Variants in ZNF496 observed in about 807,000 individuals in gnomAD.
The protein encoded by ZNF496 is zinc finger protein 496, also known as NSD1 (nuclear receptor binding SET-domain containing 1)-interacting zinc finger protein 1.
Under a neutral mutation model 58.9 loss-of-function variants are expected in ZNF496, and 11 were observed. That is an observed-to-expected ratio of 0.19 (90% CI 0.12 to 0.31). The LOEUF (loss-of-function observed/expected upper bound fraction) is 0.31, where lower values mean the gene tolerates loss of function less well. Ranked by LOEUF, ZNF496 falls within the 10% of genes least tolerant of loss-of-function variation. The pLI is 1.00. For synonymous variants in ZNF496, 338 were observed against 318.2 expected, an observed-to-expected ratio of 1.06 and a Z score of -0.66; for missense variants, 660 against 783.0, an observed-to-expected ratio of 0.84 and a Z score of 1.88.
In ZNF496 at chr1:247,309,518, A is replaced by G. The variant is rs1376428000; in HGVS notation, c.892+181T>C. On this transcript the variant is annotated intron_variant, in intron 8 of 9. Coordinates refer to ENST00000682384, the MANE Select transcript of ZNF496 (RefSeq NM_032752.3). This position sits in a 1 kb window ranked among gnomAD's most constrained non-coding sequence, Gnocchi z 4.3. ...AATTCCAATGCCTGGCAAAATTAAG[A>G]TCCTCCATTCTTTCTATGAAAAGTC... 3.5e-6 allele frequency: 5 copies of G among 1,415,474 alleles called. No homozygotes were observed. Among genetic ancestry groups the G allele is most frequent in the Non-Finnish European group, 4.6e-6 (5 of 1,089,416 alleles). 87.7% of individuals were successfully genotyped at this position (1,415,474 alleles called of 1,614,324 possible). A position where few individuals can be genotyped will look rare whatever the true frequency, so the allele number is the denominator to read the frequency against.
intron 9 of ZNF496, among the ~76,000 whole-genome samples, chr1:247,306,681 T>C (rs1280306380): frequency 6.6e-6 from 1 of 150,394 alleles, no homozygotes; most frequent in Non-Finnish European, 1.5e-5. Flanking sequence ...TTTGTATTTT[T>C]AGTAGAGACA....
intron 6 of ZNF496, among the ~76,000 whole-genome samples, chr1:247,316,040 G>C (rs1659754936): frequency 7.1e-6 from 1 of 140,000 alleles, no homozygotes; most frequent in South Asian, 2.4e-4. Flanking sequence ...GAGTCAACTT[G>C]ATGTTGGTTT....
At chr1:247,301,313 C>T in intron 9 of ZNF496, 37 bp from the exon 10 acceptor site, 2 of 1,495,756 alleles carry the variant, frequency 1.3e-6, no homozygotes, top group South Asian at 1.4e-5. Flanking sequence ...CGACGCTGCA[C>T]AGGCCACATC....
At position 247,324,636 on chromosome 1, in the gene ZNF496, A is replaced by C. The variant is rs1233423888; in HGVS notation, c.575-1406T>G. Reference sequence around the variant, plus strand: ...CAGCCTCCTGAGTAGCTGGGACTACAGGTGTGCCACCATGCCCAGCTAAGT... The same window carrying C: ...CAGCCTCCTGAGTAGCTGGGACTACCGGTGTGCCACCATGCCCAGCTAAGT... On this transcript the variant is annotated intron_variant, in intron 5 of 9. Coordinates refer to ENST00000682384, the MANE Select transcript of ZNF496 (RefSeq NM_032752.3). 2.6e-5 allele frequency among the ~76,000 whole-genome samples: 4 copies of C among 152,152 alleles called. No homozygotes were observed. In the South Asian group the frequency reaches 8.3e-4, roughly 32 times the overall value.
At chr1:247,323,970 G>A (rs1280676227) in intron 5 of ZNF496, among the ~76,000 whole-genome samples, 1 of 150,590 alleles carries the variant, frequency 6.6e-6, no homozygotes, top group Non-Finnish European at 1.5e-5. Flanking sequence ...AAAAAACTGG[G>A]AAGCTGAAAC....
In ZNF496 at chr1:247,309,508, C is replaced by T; in HGVS notation, c.892+191G>A. 7.1e-7 allele frequency: 1 copy of T among 1,412,590 alleles called. No individual in the cohort carries two copies. Among genetic ancestry groups the T allele is most frequent in the Non-Finnish European group, 9.2e-7 (1 of 1,088,166 alleles). The allele number at this position is 1,412,590 out of a possible 1,614,324, so 87.5% of individuals were successfully genotyped here. ...AAGGGAGTACAATTCCAATGCCTGG[C>T]AAAATTAAGATCCTCCATTCTTTCT... On this transcript the variant is annotated intron_variant, in intron 8 of 9. Transcript: ENST00000682384. The surrounding 1 kb of genome is among the most constrained non-coding windows in gnomAD (Gnocchi z 4.3).
chr1:247,303,005 G>A (rs1659296936), intron 9 of ZNF496, among the ~76,000 whole-genome samples: 1 of 152,220 alleles, frequency 6.6e-6, no homozygotes, highest in South Asian at 2.1e-4. Context: ...AGAGCAGACA[G>A]TGCATGTTAT....
chr1:247,311,448 CACACACACACACACAT>C (rs1659600698), intron 6 of ZNF496: 1 of 149,758 alleles, frequency 6.7e-6, no homozygotes, highest in African/African-American at 2.5e-5. Flanking sequence ...CACACACACA[CACACACACACACACAT>C]ATATAGTGGT....
At chr1:247,312,186 G>C (rs753136626) in intron 6 of ZNF496, 1 of 152,072 alleles carries the variant, frequency 6.6e-6, no homozygotes, top group Non-Finnish European at 1.5e-5. Context: ...TTCACAAGCT[G>C]CACCTTCAAA....
intron 9 of ZNF496, among the ~76,000 whole-genome samples, chr1:247,303,501 TAAAA>T (rs1659312019): frequency 6.6e-6 from 1 of 152,130 alleles, no homozygotes; most frequent in South Asian, 2.1e-4. Flanking sequence ...AGTGCATGTT[TAAAA>T]AGCCTTGAGG....
At chr1:247,327,810 C>A (rs894676909) in intron 5 of ZNF496, among the ~76,000 whole-genome samples, 3 of 76,642 alleles carry the variant, frequency 3.9e-5, no homozygotes, top group Admixed American at 1.2e-4. Flanking sequence ...CATAAGAAAG[C>A]CCCCCTGGCC....
Position 247,329,452 on chromosome 1 carries a change from G to T in ZNF496, c.127C>A (p.Arg43Ser). 1 of 1,612,368 alleles carries T rather than the reference G, an allele frequency of 6.2e-7. No individual in the cohort carries two copies. Among genetic ancestry groups the T allele is most frequent in the Non-Finnish European group, 8.5e-7 (1 of 1,179,364 alleles). Residue 43 changes from arginine to serine, a missense_variant, in exon 4 of 10, where the codon CGT becomes AGT. Transcript: ENST00000682384. The surrounding 1 kb of genome is among the most constrained non-coding windows in gnomAD (Gnocchi z 5.5). Reference sequence around the variant, plus strand: ...TGGTAGCGGAAACGGCGGAAGAGACGCCGAGAGGACTCGGGGCTGGGAAGC... The same window carrying T: ...TGGTAGCGGAAACGGCGGAAGAGACTCCGAGAGGACTCGGGGCTGGGAAGC... The part of the protein sequence containing the change: ...GELPSPESSR[R>S]LFRRFRYQEA...
At chr1:247,331,064 G>A (rs1193116738) in intron 2 of ZNF496, among the ~76,000 whole-genome samples, 2 of 152,210 alleles carry the variant, frequency 1.3e-5, no homozygotes, top group East Asian at 3.9e-4. Context: ...GCGGCCCCCT[G>A]CGGCGCCCAT....
intron 6 of ZNF496, among the ~76,000 whole-genome samples, chr1:247,317,196 G>C (rs1412219849): frequency 6.6e-6 from 1 of 152,138 alleles, no homozygotes; most frequent in Non-Finnish European, 1.5e-5. Context: ...GAGGGTGGCA[G>C]AATGGCCAGG....
At position 247,309,504 on chromosome 1, in the gene ZNF496, C is replaced by T. The variant is rs1659523622; in HGVS notation, c.892+195G>A. The T allele has an allele frequency of 7.1e-7, 1 of 1,412,782 alleles. No homozygotes were observed. The highest frequency in any genetic ancestry group is 9.2e-7 in the Non-Finnish European group (1 of 1,088,370). 87.5% of individuals were successfully genotyped at this position (1,412,782 alleles called of 1,614,324 possible). ...GGCCAAGGGAGTACAATTCCAATGCCTGGCAAAATTAAGATCCTCCATTCT... is the reference window on the plus strand; with the variant it reads ...GGCCAAGGGAGTACAATTCCAATGCTTGGCAAAATTAAGATCCTCCATTCT... On this transcript the variant is annotated intron_variant, in intron 8 of 9. Coordinates refer to ENST00000682384, the MANE Select transcript of ZNF496 (RefSeq NM_032752.3). This position sits in a 1 kb window ranked among gnomAD's most constrained non-coding sequence, Gnocchi z 4.3.
Position 247,320,853 on chromosome 1 carries a change from A to C in ZNF496, c.651+2301T>G, listed in dbSNP as rs539626124. 2.0e-5 allele frequency among the ~76,000 whole-genome samples: 3 copies of C among 152,330 alleles called. No individual in the cohort carries two copies. In the East Asian group the frequency reaches 5.8e-4, roughly 29 times the overall value. On this transcript the variant is annotated intron_variant, in intron 6 of 9. Coordinates refer to ENST00000682384, the MANE Select transcript of ZNF496 (RefSeq NM_032752.3). The stretch of plus-strand genomic sequence containing the variant: ...GATAAACAAGGTGATATATACACAC[A>C]TGGGAGTATTATTCAACCTTAAAAA...
chr1:247,300,250 G>A lies in ZNF496; in HGVS notation c.*269C>T, dbSNP rs1293209967. 2 of 365,450 alleles carry A rather than the reference G, an allele frequency of 5.5e-6. No individual in the cohort carries two copies. The highest frequency in any genetic ancestry group is 8.3e-5 in the Admixed American group (2 of 24,086). The allele number at this position is 365,450 out of a possible 1,614,324, so 22.6% of individuals were successfully genotyped here. ...ATGGGCCAAGGGTCTCTAAGACGCA[G>A]AACACCTGGCATGTCCAACCTGGTG... is the stretch of plus-strand genomic sequence containing the variant. On this transcript the variant is annotated 3_prime_UTR_variant, in exon 10 of 10. Coordinates refer to ENST00000682384, the MANE Select transcript of ZNF496 (RefSeq NM_032752.3). This position sits in a 1 kb window ranked among gnomAD's most constrained non-coding sequence, Gnocchi z 5.7.
chr1:247,323,352 C>A, intron 5 of ZNF496, 122 bp from the exon 6 acceptor site: 1 of 652,120 alleles, frequency 1.5e-6, no homozygotes, highest in South Asian at 1.9e-5. Flanking sequence ...ACAAGAGAGG[C>A]ACCAACAGGG....
Position 247,329,820 on chromosome 1 carries a change from G to T in ZNF496, c.-38+146C>A. 1 of 446,044 alleles carries T rather than the reference G, an allele frequency of 2.2e-6. No individual in the cohort carries two copies. Among genetic ancestry groups the T allele is most frequent in the Admixed American group, 4.0e-5 (1 of 25,068 alleles). 27.6% of individuals were successfully genotyped at this position (446,044 alleles called of 1,614,324 possible). A position where few individuals can be genotyped will look rare whatever the true frequency, so the allele number is the denominator to read the frequency against. Reference sequence around the variant, plus strand: ...GCCCTCCCCCCATCAGTACCATTACGTGTGGATTCCCGTTAAGTGGGTGAC... The same window carrying T: ...GCCCTCCCCCCATCAGTACCATTACTTGTGGATTCCCGTTAAGTGGGTGAC... On this transcript the variant is annotated intron_variant, in intron 3 of 9. Coordinates refer to ENST00000682384, the MANE Select transcript of ZNF496 (RefSeq NM_032752.3). The surrounding 1 kb of genome is among the most constrained non-coding windows in gnomAD (Gnocchi z 5.5).
Sources: gnomAD v4.1 joint callset for allele counts (sites outside exome capture counted in the v4.1 genomes callset) on GRCh38, gnomAD v4.1.1 for gene constraint, Gnocchi (gnomAD v3.1) non-coding constraint, MANE v1.5 for transcripts, NCBI Gene and HGNC (gene_info 2026-07-23, HGNC 2026-07-21) for gene names.